Variants in ZDHHC3 observed in about 807,000 individuals in gnomAD.
The protein encoded by ZDHHC3 is palmitoyltransferase ZDHHC3.
Under a neutral mutation model 30.6 loss-of-function variants are expected in ZDHHC3, and 9 were observed. The observed-to-expected ratio is 0.29, with a 90% CI of 0.18 to 0.51. The LOEUF (loss-of-function observed/expected upper bound fraction) is 0.51, where lower values mean the gene tolerates loss of function less well. Among genes scored for constraint, ZDHHC3 ranks in the 20% least tolerant of loss-of-function variants. ZDHHC3 has a pLI of 0.97. For missense variants in ZDHHC3, 246 were observed against 384.2 expected, an observed-to-expected ratio of 0.64 and a Z score of 3.01; for synonymous variants, 136 against 140.2, an observed-to-expected ratio of 0.97 and a Z score of 0.21.
At chr3:44,972,622 T>C (rs984895162) in intron 1 of ZDHHC3, among the ~76,000 whole-genome samples, 1 of 152,216 alleles carries the variant, frequency 6.6e-6, no homozygotes, top group African/African-American at 2.4e-5. Flanking sequence ...CAGCAGCTCT[T>C]TACCTTTTGT....
intron 5 of ZDHHC3, 117 bp downstream of exon 5, chr3:44,933,001 A>T: frequency 6.2e-7 from 1 of 1,614,020 alleles, no homozygotes; most frequent in Non-Finnish European, 8.5e-7. Flanking sequence ...CTTTCAGGAG[A>T]TTTAATAAAA....
chr3:44,971,978 A>C (rs1217667302), intron 1 of ZDHHC3, among the ~76,000 whole-genome samples: 1 of 152,132 alleles, frequency 6.6e-6, no homozygotes, highest in Non-Finnish European at 1.5e-5. Flanking sequence ...CTCCCACCTC[A>C]TTCTTTTAAG....
intron 1 of ZDHHC3, among the ~76,000 whole-genome samples, chr3:44,961,879 G>C (rs1379629227): frequency 2.0e-5 from 3 of 152,320 alleles, no homozygotes; most frequent in South Asian, 4.1e-4. Flanking sequence ...GTCTCTGGCT[G>C]CTTTTGTATT....
chr3:44,928,551 G>A (rs1348531298), intron 6 of ZDHHC3, among the ~76,000 whole-genome samples: 1 of 152,124 alleles, frequency 6.6e-6, no homozygotes, highest in Non-Finnish European at 1.5e-5. Flanking sequence ...AGAGCTAAGT[G>A]CCACCCCTTC....
In ZDHHC3 at chr3:44,915,603, C is replaced by G. The variant is rs1160974912; in HGVS notation, c.*11086G>C. On this transcript the variant is annotated 3_prime_UTR_variant, in exon 7 of 7. Coordinates refer to ENST00000424952, the MANE Select transcript of ZDHHC3 (RefSeq NM_001135179.2). Reference sequence around the variant, plus strand: ...TCTGTGCAAGTAAAATGCCCCCTCACCCCAGCCTTCCTTTCCAGAGCAACC... The same window carrying G: ...TCTGTGCAAGTAAAATGCCCCCTCAGCCCAGCCTTCCTTTCCAGAGCAACC... The G allele has an allele frequency of 1.3e-5, 2 of 152,366 alleles. No homozygotes were observed. Among genetic ancestry groups the G allele is most frequent in the East Asian group, 1.9e-4 (1 of 5,198 alleles). The allele number at this position is 152,366 out of a possible 1,614,324, so 9.4% of individuals were successfully genotyped here. A position where few individuals can be genotyped will look rare whatever the true frequency, so the allele number is the denominator to read the frequency against.
chr3:44,942,644 C>T (rs1044096677), intron 3 of ZDHHC3, among the ~76,000 whole-genome samples: 1 of 152,228 alleles, frequency 6.6e-6, no homozygotes, highest in African/African-American at 2.4e-5. Context: ...CCCAGCATAT[C>T]CCTAACTCCA....
Position 44,917,736 on chromosome 3 carries a change from G to T in ZDHHC3, c.*8953C>A. 1 of 878,502 alleles carries T rather than the reference G, an allele frequency of 1.1e-6. No individual in the cohort carries two copies. Among genetic ancestry groups the T allele is most frequent in the Non-Finnish European group, 1.5e-6 (1 of 651,308 alleles). The allele number at this position is 878,502 out of a possible 1,614,324, so 54.4% of individuals were successfully genotyped here. On this transcript the variant is annotated 3_prime_UTR_variant, in exon 7 of 7. Coordinates refer to ENST00000424952, the MANE Select transcript of ZDHHC3 (RefSeq NM_001135179.2). ...CCGACCCCCAGACCTGGCCCAACATGGAGAGAAGAAGGAGGGGAAATGGCA... is the reference window on the plus strand; with the variant it reads ...CCGACCCCCAGACCTGGCCCAACATTGAGAGAAGAAGGAGGGGAAATGGCA...
chr3:44,954,544 A>C (rs1477254202), intron 2 of ZDHHC3, among the ~76,000 whole-genome samples: 1 of 152,176 alleles, frequency 6.6e-6, no homozygotes, highest in Non-Finnish European at 1.5e-5. Flanking sequence ...CAAATTGCCT[A>C]ACAACACATT....
chr3:44,932,976 T>C (rs767171366), intron 5 of ZDHHC3, 142 bp downstream of exon 5: 2 of 1,614,154 alleles, frequency 1.2e-6, no homozygotes, highest in Admixed American at 3.3e-5. Context: ...ATTTCTTCCC[T>C]GTTCAGTCCA....
intron 2 of ZDHHC3, among the ~76,000 whole-genome samples, chr3:44,957,062 G>A (rs1179928765): frequency 6.6e-6 from 1 of 151,858 alleles, no homozygotes; most frequent in Non-Finnish European, 1.5e-5. Context: ...TTGGATCTTC[G>A]TCTGCCTGGC....
chr3:44,933,247 A>AC (rs1421738300), intron 4 of ZDHHC3, 48 bp from the exon 5 acceptor site: 1 of 1,574,478 alleles, frequency 6.4e-7, no homozygotes, highest in African/African-American at 1.4e-5. Context: ...GAATCCTCTG[A>AC]CCTCACGGGC....
chr3:44,936,104 C>T (rs1410802737), intron 3 of ZDHHC3, among the ~76,000 whole-genome samples: 1 of 152,144 alleles, frequency 6.6e-6, no homozygotes, highest in East Asian at 1.9e-4. Context: ...TATTTGCCAA[C>T]TATGCATCTG....
intron 2 of ZDHHC3, among the ~76,000 whole-genome samples, chr3:44,957,100 T>C (rs1344129616): frequency 1.3e-5 from 2 of 152,158 alleles, no homozygotes; most frequent in Non-Finnish European, 2.9e-5. Flanking sequence ...TCAGGTCAGC[T>C]CAAAAGGCAC....
intron 2 of ZDHHC3, 133 bp from the exon 3 acceptor site, chr3:44,945,425 G>A: frequency 7.8e-7 from 1 of 1,286,010 alleles, no homozygotes; most frequent in Non-Finnish European, 1.1e-6. Context: ...CCAACAACAT[G>A]TGGACTCTGT....
intron 3 of ZDHHC3, among the ~76,000 whole-genome samples, chr3:44,943,105 C>T (rs573218073): frequency 1.3e-5 from 2 of 152,196 alleles, no homozygotes; most frequent in Non-Finnish European, 2.9e-5. Context: ...TTGGCCCCTA[C>T]CCAGGCTCCT....
intron 3 of ZDHHC3, among the ~76,000 whole-genome samples, chr3:44,934,804 A>G (rs1701806728): frequency 6.6e-6 from 1 of 151,426 alleles, no homozygotes; most frequent in African/African-American, 2.4e-5. Flanking sequence ...AGGCAGGAGA[A>G]TCACTTGAAC....
chr3:44,921,259 G>C lies in ZDHHC3; in HGVS notation c.*5430C>G. 2 of 985,412 alleles carry C rather than the reference G, an allele frequency of 2.0e-6. No individual in the cohort carries two copies. Among genetic ancestry groups the C allele is most frequent in the African/African-American group, 1.7e-5 (1 of 57,344 alleles). The allele number at this position is 985,412 out of a possible 1,614,324, so 61.0% of individuals were successfully genotyped here. A position where few individuals can be genotyped will look rare whatever the true frequency, so the allele number is the denominator to read the frequency against. On this transcript the variant is annotated 3_prime_UTR_variant, in exon 7 of 7. Coordinates refer to ENST00000424952, the MANE Select transcript of ZDHHC3 (RefSeq NM_001135179.2). Reference sequence around the variant, plus strand: ...GAAGAGTCTGTGCAGAACAGACTCAGCTGAGCCCCACAGAACGAGAACAGG... The same window carrying C: ...GAAGAGTCTGTGCAGAACAGACTCACCTGAGCCCCACAGAACGAGAACAGG...
chr3:44,941,851 G>GC (rs1478750548), intron 3 of ZDHHC3, among the ~76,000 whole-genome samples: 2 of 152,118 alleles, frequency 1.3e-5, no homozygotes, highest in African/African-American at 4.8e-5. Context: ...ATCTTGGGCT[G>GC]CAAGTGGCAC....
At position 44,926,492 on chromosome 3, in the gene ZDHHC3, C is replaced by T. The variant is rs1700999971; in HGVS notation, c.*197G>A. 8.6e-6 allele frequency: 11 copies of T among 1,278,428 alleles called. No homozygotes were observed. In the South Asian group the frequency reaches 3.0e-4, roughly 34 times the overall value. The allele number at this position is 1,278,428 out of a possible 1,614,324, so 79.2% of individuals were successfully genotyped here. On this transcript the variant is annotated 3_prime_UTR_variant, in exon 7 of 7. Coordinates refer to ENST00000424952, the MANE Select transcript of ZDHHC3 (RefSeq NM_001135179.2). ...AGCAGCTTCGGTCACCAAAAGAAAT[C>T]GAAAGGATGGTTTTTAAAAAATAAA... is the stretch of plus-strand genomic sequence containing the variant.
Sources: allele counts gnomAD v4.1 joint callset (sites outside exome capture counted in the v4.1 genomes callset), GRCh38; gene constraint gnomAD v4.1.1; transcripts MANE v1.5; gene names NCBI Gene and HGNC (gene_info 2026-07-23, HGNC 2026-07-21).